Variants in TBC1D19 observed in about 807,000 individuals in gnomAD.
TBC1D19 encodes TBC1 domain family, member 19.
A neutral mutation model predicts 89.0 loss-of-function variants in TBC1D19; 60 were observed. The observed-to-expected ratio is 0.67, with a 90% CI of 0.55 to 0.84. TBC1D19 has a LOEUF of 0.84. TBC1D19 is among the 40% of genes least tolerant of loss of function. The pLI is 0.00. For synonymous variants in TBC1D19, 189 were observed against 199.7 expected (o/e 0.95, Z 0.45); for missense variants, 500 against 610.8 (o/e 0.82, Z 1.91).
At chr4:26,725,761 G>A (rs914253516) in intron 15 of TBC1D19, among the ~76,000 whole-genome samples, 4 of 152,136 alleles carry the variant, frequency 2.6e-5, no homozygotes, top group Admixed American at 2.0e-4. Flanking sequence ...TAGAATAAAA[G>A]TGTCACTAGA....
chr4:26,719,915 C>T (rs1716867578), intron 14 of TBC1D19, among the ~76,000 whole-genome samples, 166 bp from the exon 15 acceptor site: 2 of 151,968 alleles, frequency 1.3e-5, no homozygotes, highest in South Asian at 2.1e-4. Flanking sequence ...TTGCTAATAC[C>T]AAAAGATTGG....
chr4:26,583,272 T>C (rs916221809), upstream of TBC1D19, among the ~76,000 whole-genome samples: 18 of 152,188 alleles, frequency 1.2e-4, no homozygotes, highest in Admixed American at 5.9e-4. Context: ...TTACTTTTAG[T>C]TCTGCTAAAA....
rs1174849006 is a variant in TBC1D19, at chr4:26,627,748, G to A, written c.294+7060G>A. On this transcript the variant is annotated intron_variant, in intron 4 of 20. Coordinates refer to ENST00000264866, the MANE Select transcript of TBC1D19 (RefSeq NM_018317.4). ...TTTTTGATGGGGTTGTTTTTTTCTCGTAAATTTGTTTGAGTTCATTGTAGA... is the reference window on the plus strand; with the variant it reads ...TTTTTGATGGGGTTGTTTTTTTCTCATAAATTTGTTTGAGTTCATTGTAGA... Among the ~76,000 whole-genome samples, 5 of 151,986 alleles carry A rather than the reference G, an allele frequency of 3.3e-5. No individual in the cohort carries two copies. The South Asian group carries it at 6.2e-4, about 19-fold the overall frequency.
At chr4:26,703,930 C>T (rs571827903) in intron 13 of TBC1D19, among the ~76,000 whole-genome samples, 3 of 128,368 alleles carry the variant, frequency 2.3e-5, no homozygotes, top group South Asian at 5.1e-4. Context: ...CACTGCAATT[C>T]GGCCTGGGCA....
At chr4:26,792,382 T>C in the TBC1D19 span, among the ~76,000 whole-genome samples, 14 of 152,108 alleles carry the variant, frequency 9.2e-5, no homozygotes, top group Non-Finnish European at 1.9e-4. Flanking sequence ...AGAAGTGAAA[T>C]TGGAGCAAAA....
the TBC1D19 span, among the ~76,000 whole-genome samples, chr4:26,827,715 T>C: frequency 9.1e-6 from 1 of 110,326 alleles, no homozygotes; most frequent in South Asian, 2.7e-4. Context: ...GTTTTTTGTT[T>C]TGTTTTTTTT....
intron 18 of TBC1D19, among the ~76,000 whole-genome samples, chr4:26,747,182 TA>T (rs377080610): frequency 3.2e-4 from 48 of 152,344 alleles, no homozygotes; most frequent in Middle Eastern, 3.4e-3. Flanking sequence ...GCTTTATTTC[TA>T]AAAAGCTATG....
intron 18 of TBC1D19, among the ~76,000 whole-genome samples, chr4:26,748,133 A>T (rs1423673997): frequency 6.6e-6 from 1 of 152,214 alleles, no homozygotes; most frequent in Non-Finnish European, 1.5e-5. Context: ...ACACTCTGAA[A>T]AACAGAATGT....
chr4:26,756,805 C>T (rs532919983), downstream of TBC1D19, among the ~76,000 whole-genome samples: 103 of 152,244 alleles, frequency 6.8e-4, no homozygotes, highest in African/African-American at 2.4e-3. Flanking sequence ...TAGTTTAAGA[C>T]TATGTCTGTA....
At chr4:26,659,351 T>C (rs1013977531) in intron 7 of TBC1D19, among the ~76,000 whole-genome samples, 2 of 152,182 alleles carry the variant, frequency 1.3e-5, no homozygotes, top group African/African-American at 4.8e-5. Context: ...AATTCTTAAC[T>C]TGGTAGAGTT....
At chr4:26,778,940 C>T in the TBC1D19 span, among the ~76,000 whole-genome samples, 1 of 152,170 alleles carries the variant, frequency 6.6e-6, no homozygotes, top group Non-Finnish European at 1.5e-5. Context: ...GCCACAACCC[C>T]TATCAATTAA....
the TBC1D19 span, among the ~76,000 whole-genome samples, chr4:26,812,189 G>A: frequency 6.6e-6 from 1 of 152,182 alleles, no homozygotes; most frequent in East Asian, 1.9e-4. The surrounding 1 kb of genome is among the most constrained non-coding windows in gnomAD (Gnocchi z 4.2). Context: ...AGGAAGATGT[G>A]AATGGGGGTG....
the TBC1D19 span, among the ~76,000 whole-genome samples, chr4:26,784,124 A>G: frequency 6.6e-6 from 1 of 151,978 alleles, no homozygotes; most frequent in East Asian, 1.9e-4. Context: ...CCAGTTTTTC[A>G]CCCTCAATAA....
the TBC1D19 span, among the ~76,000 whole-genome samples, chr4:26,772,900 A>C: frequency 2.6e-5 from 4 of 152,086 alleles, no homozygotes; most frequent in African/African-American, 9.7e-5. Flanking sequence ...TGTCTTTGCT[A>C]TTGTAAATAG....
chr4:26,788,035 C>G, the TBC1D19 span, among the ~76,000 whole-genome samples: 1 of 152,176 alleles, frequency 6.6e-6, no homozygotes, highest in Admixed American at 6.5e-5. Context: ...CTTAAACCTC[C>G]TTTGTCAAAT....
rs574312372 is a variant in TBC1D19, at chr4:26,587,792, A to G, written c.99+3500A>G. ...GGTGCCTAGAGTTTTCTTTATGGAC[A>G]CATTTTTAATTAAAAAAATTCAATT... On this transcript the variant is annotated intron_variant, in intron 1 of 20. Transcript: ENST00000264866. Among the ~76,000 whole-genome samples the G allele has an allele frequency of 3.9e-5, 6 of 151,900 alleles. No individual in the cohort carries two copies. The South Asian group carries it at 1.0e-3, about 26-fold the overall frequency.
At chr4:26,704,046 G>A (rs1214751198) in intron 13 of TBC1D19, among the ~76,000 whole-genome samples, 3 of 151,668 alleles carry the variant, frequency 2.0e-5, no homozygotes, top group Non-Finnish European at 4.4e-5. Context: ...TCATGTTAAT[G>A]TTCCTAAATT....
chr4:26,712,728 A>C (rs561338109), intron 13 of TBC1D19, among the ~76,000 whole-genome samples: 1 of 152,170 alleles, frequency 6.6e-6, no homozygotes, highest in East Asian at 1.9e-4. Context: ...ATGCTGCTTC[A>C]ACTCATGGCA....
At chr4:26,794,654 A>G in the TBC1D19 span, among the ~76,000 whole-genome samples, 1 of 152,216 alleles carries the variant, frequency 6.6e-6, no homozygotes, top group Non-Finnish European at 1.5e-5. Flanking sequence ...CTAACATTGA[A>G]ACAGACAGTA....
Sources: gnomAD v4.1 joint callset for allele counts (sites outside exome capture counted in the v4.1 genomes callset) on GRCh38, gnomAD v4.1.1 for gene constraint, Gnocchi (gnomAD v3.1) non-coding constraint, MANE v1.5 for transcripts, NCBI Gene and HGNC (gene_info 2026-07-23, HGNC 2026-07-21) for gene names.